Variants in PTPRT observed in about 807,000 individuals in gnomAD.
PTPRT encodes receptor-type tyrosine-protein phosphatase T.
Under a neutral mutation model 176.8 loss-of-function variants are expected in PTPRT, and 56 were observed. The observed-to-expected ratio is 0.32, with a 90% CI of 0.26 to 0.40. The LOEUF is 0.40. Ranked by LOEUF, PTPRT falls within the 10% of genes least tolerant of loss-of-function variation. PTPRT has a pLI of 1.00. For missense variants in PTPRT, 1,540 were observed against 1,908.2 expected (o/e 0.81, Z 3.60); for synonymous variants, 783 against 739.0 (o/e 1.06, Z -0.96).
At chr20:43,080,903 T>C (rs1016070779) in intron 1 of PTPRT, among the ~76,000 whole-genome samples, 1 of 152,236 alleles carries the variant, frequency 6.6e-6, no homozygotes. Flanking sequence ...CACGGCACCA[T>C]TCCATGAGCA....
At chr20:43,022,895 G>A (rs908214595) in intron 1 of PTPRT, among the ~76,000 whole-genome samples, 6 of 152,150 alleles carry the variant, frequency 3.9e-5, no homozygotes, top group African/African-American at 1.4e-4. Context: ...CAGACCTGCA[G>A]GGATTTAAAG....
At chr20:42,417,175 T>C (rs1417947805) in intron 9 of PTPRT, among the ~76,000 whole-genome samples, 3 of 152,184 alleles carry the variant, frequency 2.0e-5, no homozygotes, top group Admixed American at 1.3e-4. Flanking sequence ...GTATGAAGTC[T>C]TGGATTTTTG....
At chr20:42,803,421 C>T (rs2077558881) in intron 2 of PTPRT, among the ~76,000 whole-genome samples, 1 of 152,212 alleles carries the variant, frequency 6.6e-6, no homozygotes, top group Admixed American at 6.5e-5. Context: ...CAGGGTAGAC[C>T]ACAATAACCT....
At chr20:42,508,951 T>C (rs60589737) in intron 7 of PTPRT, among the ~76,000 whole-genome samples, 3,213 of 138,062 alleles carry the variant, frequency 0.023, 207 homozygotes, top group African/African-American at 0.08. Context: ...ATATAATTTA[T>C]ATTTAATTTA....
chr20:42,593,301 C>G (rs1352755458), intron 7 of PTPRT, among the ~76,000 whole-genome samples: 1 of 152,176 alleles, frequency 6.6e-6, no homozygotes, highest in Admixed American at 6.5e-5. Flanking sequence ...GCTTGAAACT[C>G]TACTCTGAAA....
intron 29 of PTPRT, among the ~76,000 whole-genome samples, chr20:42,083,216 C>T (rs1310592283): frequency 6.7e-6 from 1 of 150,040 alleles, no homozygotes; most frequent in Non-Finnish European, 1.5e-5. Context: ...ATTTCTGAAG[C>T]AAGAATAACA....
chr20:42,479,105 T>C (rs2071338599), intron 7 of PTPRT, among the ~76,000 whole-genome samples: 2 of 152,224 alleles, frequency 1.3e-5, no homozygotes, highest in Non-Finnish European at 2.9e-5. Context: ...CCATCCCTGC[T>C]GTCAAAGGCA....
At chr20:43,024,355 C>T (rs1006525289) in intron 1 of PTPRT, among the ~76,000 whole-genome samples, 1 of 151,996 alleles carries the variant, frequency 6.6e-6, no homozygotes, top group Non-Finnish European at 1.5e-5. Flanking sequence ...AAAAATGGCT[C>T]CAAGGCTGGT....
intron 19 of PTPRT, 51 bp downstream of exon 19, chr20:42,128,703 C>G: frequency 6.7e-7 from 1 of 1,483,712 alleles, no homozygotes; most frequent in Non-Finnish European, 9.1e-7. Context: ...AACCACAGAT[C>G]TTGAGCCTGC....
chr20:42,745,730 C>T (rs777539261), intron 6 of PTPRT, among the ~76,000 whole-genome samples: 6 of 152,090 alleles, frequency 3.9e-5, no homozygotes, highest in South Asian at 2.1e-4. Context: ...ATATCTGTCA[C>T]GGAATAATAC....
At chr20:43,056,471 G>A in intron 1 of PTPRT, among the ~76,000 whole-genome samples, 1 of 152,188 alleles carries the variant, frequency 6.6e-6, no homozygotes, top group Non-Finnish European at 1.5e-5. Flanking sequence ...GGAAGTTTAA[G>A]ATCATAGGAG....
At chr20:42,081,701 A>C (rs1477435918) in intron 30 of PTPRT, among the ~76,000 whole-genome samples, 181 bp downstream of exon 30, 1 of 152,220 alleles carries the variant, frequency 6.6e-6, no homozygotes, top group Non-Finnish European at 1.5e-5. Context: ...GCAAGAAAGA[A>C]AAGTTGGGGA....
At chr20:42,720,350 A>G (rs1268336031) in intron 6 of PTPRT, among the ~76,000 whole-genome samples, 2 of 152,214 alleles carry the variant, frequency 1.3e-5, no homozygotes, top group African/African-American at 4.8e-5. Flanking sequence ...GATTAGCCCA[A>G]GGTCACATGG....
chr20:42,220,862 C>G (rs1050714347), intron 15 of PTPRT, among the ~76,000 whole-genome samples: 2 of 152,212 alleles, frequency 1.3e-5, no homozygotes, highest in Non-Finnish European at 2.9e-5. Flanking sequence ...ACCGTATCCT[C>G]TCTTTAATCT....
chr20:43,028,116 C>A (rs973088770), intron 1 of PTPRT, among the ~76,000 whole-genome samples: 1 of 152,186 alleles, frequency 6.6e-6, no homozygotes, highest in Non-Finnish European at 1.5e-5. Context: ...CTGCTAAGTC[C>A]TTTAAATTAT....
chr20:42,836,554 A>G (rs176379), intron 2 of PTPRT, among the ~76,000 whole-genome samples: 146,536 of 152,282 alleles, frequency 0.96, 70,530 homozygotes, highest in African/African-American at 0.98. Flanking sequence ...AAGTCTCTGA[A>G]CTCTAAGACC....
intron 22 of PTPRT, among the ~76,000 whole-genome samples, chr20:42,111,624 T>C (rs753879410): frequency 1.3e-5 from 2 of 152,208 alleles, no homozygotes; most frequent in Non-Finnish European, 2.9e-5. Context: ...TGTGTGCCAG[T>C]CACTCTTCTG....
At position 42,184,631 on chromosome 20, in the gene PTPRT, T is replaced by G. The variant is rs560933433; in HGVS notation, c.2491+14609A>C. Among the ~76,000 whole-genome samples, 24 of 143,106 alleles carry G rather than the reference T, an allele frequency of 1.7e-4. No individual in the cohort carries two copies. The South Asian group carries it at 5.6e-3, about 34-fold the overall frequency. 93.9% of individuals were successfully genotyped at this position (143,106 alleles called of 152,430 possible). On this transcript the variant is annotated intron_variant, in intron 16 of 30. Coordinates refer to ENST00000373187, the MANE Select transcript of PTPRT (RefSeq NM_007050.6). ...CTTCTTCTTCTCCTCCTTCTTCTCCTTCTCTCTCTCTCTCTCGATAGAGTT... is the reference window on the plus strand; with the variant it reads ...CTTCTTCTTCTCCTCCTTCTTCTCCGTCTCTCTCTCTCTCTCGATAGAGTT...
rs2071218638 is a variant in PTPRT at position 42,472,573 on chromosome 20, T to G, written c.1154-11A>C. 6.2e-7 allele frequency: 1 copy of G among 1,612,172 alleles called. No individual in the cohort carries two copies. Among genetic ancestry groups the G allele is most frequent in the Non-Finnish European group, 8.5e-7 (1 of 1,179,512 alleles). On this transcript the variant is annotated splice_polypyrimidine_tract_variant and intron_variant, in intron 7 of 30. Transcript: ENST00000373187. ...GGCCATGTACCGGATCTGCAAAACA[T>G]GCAGGCAAGAAACAAGGGTTCTGAA...
Sources: gnomAD v4.1 joint callset for allele counts (sites outside exome capture counted in the v4.1 genomes callset) on GRCh38, gnomAD v4.1.1 for gene constraint, MANE v1.5 for transcripts, NCBI Gene and HGNC (gene_info 2026-07-23, HGNC 2026-07-21) for gene names.